Variants in CPNE3 observed in about 807,000 individuals in gnomAD.
CPNE3 encodes copine-3.
CPNE3 carries 68 observed loss-of-function variants against 63.9 expected under a neutral mutation model. The observed-to-expected ratio is 1.06, with a 90% CI of 0.87 to 1.30. CPNE3 has a LOEUF of 1.30. Among genes scored for constraint, CPNE3 ranks in the 50% most tolerant of loss-of-function variants. The pLI, the probability that CPNE3 is intolerant of heterozygous loss-of-function variation, is 0.00. For missense variants in CPNE3, 665 were observed against 578.1 expected, an observed-to-expected ratio of 1.15 and a Z score of -1.54; for synonymous variants, 219 against 197.5, an observed-to-expected ratio of 1.11 and a Z score of -0.91.
At position 86,543,633 on chromosome 8, in the gene CPNE3, G is replaced by A. The variant is rs147686915; in HGVS notation, c.634-1107G>A. Among the ~76,000 whole-genome samples the A allele has an allele frequency of 1.7e-4, 26 of 152,124 alleles. No individual in the cohort carries two copies. The East Asian group carries it at 4.8e-3, about 28-fold the overall frequency. On this transcript the variant is annotated intron_variant, in intron 8 of 16. Transcript: ENST00000517490. ...AGCACAGCGTTACTTTACCTGTGTT[G>A]GTTACCACACAAGGCATACCGTCTT...
At chr8:86,514,657 G>A (rs923671400) in intron 1 of CPNE3, 116 bp downstream of exon 1, 3 of 152,192 alleles carry the variant, frequency 2.0e-5, no homozygotes, top group Non-Finnish European at 4.4e-5. Context: ...GGCTCCGTGC[G>A]GCAGGTCCCG....
rs1333894029 is a variant in CPNE3 at position 86,546,593 on chromosome 8, A to G, written c.733-2A>G. 2 of 1,610,786 alleles carry G rather than the reference A, an allele frequency of 1.2e-6. No individual in the cohort carries two copies. Among genetic ancestry groups the G allele is most frequent in the Non-Finnish European group, 1.7e-6 (2 of 1,179,204 alleles). ...TAACATTTTTGTCTTCTCTTCCTAC[A>G]GGTTGAATTTGAATGCATAAATGAG... On this transcript the variant is annotated splice_acceptor_variant, in intron 9 of 16. Coordinates refer to ENST00000517490, the MANE Select transcript of CPNE3 (RefSeq NM_003909.5). LOFTEE classifies it high-confidence loss of function.
At chr8:86,552,884 G>T (rs1398168066) in intron 14 of CPNE3, among the ~76,000 whole-genome samples, 2 of 120,068 alleles carry the variant, frequency 1.7e-5, no homozygotes, top group African/African-American at 3.0e-5. Context: ...TTTTCCCCCA[G>T]GCTGGAGTGC....
chr8:86,530,617 T>C (rs553453901), intron 4 of CPNE3, among the ~76,000 whole-genome samples: 1 of 152,220 alleles, frequency 6.6e-6, no homozygotes, highest in East Asian at 1.9e-4. Flanking sequence ...GTTAAGAAAC[T>C]AGTGGGTAGG....
chr8:86,556,302 T>A lies in CPNE3; in HGVS notation c.1455T>A (p.Asp485Glu), dbSNP rs780990449. The A allele has an allele frequency of 2.3e-6, 2 of 873,012 alleles. No individual in the cohort carries two copies. Among genetic ancestry groups the A allele is most frequent in the Non-Finnish European group, 4.0e-6 (2 of 501,686 alleles). 54.1% of individuals were successfully genotyped at this position (873,012 alleles called of 1,614,324 possible). ...CATTGGGCGAAGTGGCCATCAGAGA[T>A]ATTGTCCAGTTTGTGCCTTTCAGAC... ...RSPLGEVAIR[D>E]IVQFVPFRQF... The change falls in exon 16 of 17, where the codon GAT (aspartate) becomes GAA (glutamate). Residue 485 changes from aspartate to glutamate, a missense_variant. Transcript: ENST00000517490.
chr8:86,551,796 T>C (rs1821184837), intron 14 of CPNE3, among the ~76,000 whole-genome samples: 1 of 151,992 alleles, frequency 6.6e-6, no homozygotes, highest in Non-Finnish European at 1.5e-5. Flanking sequence ...AGGAGGCAAA[T>C]ATTTGTCTTT....
rs577796225 is a variant in CPNE3, at chr8:86,519,408, T to A, written c.-11+3909T>A. Among the ~76,000 whole-genome samples, 7 of 152,364 alleles carry A rather than the reference T, an allele frequency of 4.6e-5. No individual in the cohort carries two copies. In the South Asian group the frequency reaches 1.2e-3, roughly 27 times the overall value. On this transcript the variant is annotated intron_variant, in intron 2 of 16. Transcript: ENST00000517490. ...AATTCCTGCTTTCCTCCGTTCTGCA[T>A]GTCCAAGCATCAGCAATGGTATCAC...
intron 16 of CPNE3, among the ~76,000 whole-genome samples, chr8:86,557,454 C>A (rs982736310): frequency 6.6e-6 from 1 of 152,150 alleles, no homozygotes; most frequent in African/African-American, 2.4e-5. Context: ...GATTTTTGAG[C>A]AAACATAAGT....
In CPNE3 at chr8:86,560,037, G is replaced by T. The variant is rs903890980; in HGVS notation, c.*1627G>T. 1 of 152,162 alleles carries T rather than the reference G, an allele frequency of 6.6e-6. No homozygotes were observed. Among genetic ancestry groups the T allele is most frequent in the African/African-American group, 2.4e-5 (1 of 41,434 alleles). The allele number at this position is 152,162 out of a possible 1,614,324, so 9.4% of individuals were successfully genotyped here. A position where few individuals can be genotyped will look rare whatever the true frequency, so the allele number is the denominator to read the frequency against. ...TGTGGTGGTTGCCTAGCCCAGATGA[G>T]CATTTACCTACCACCTTCCCACTTG... On this transcript the variant is annotated 3_prime_UTR_variant, in exon 17 of 17. Coordinates refer to ENST00000517490, the MANE Select transcript of CPNE3 (RefSeq NM_003909.5).
chr8:86,543,322 T>TTTGA (rs1223592386), intron 8 of CPNE3, among the ~76,000 whole-genome samples: 1 of 152,102 alleles, frequency 6.6e-6, no homozygotes, highest in Non-Finnish European at 1.5e-5. Flanking sequence ...TCTTGACTGT[T>TTTGA]TTGATTGATT....
chr8:86,531,152 C>T lies in CPNE3; in HGVS notation c.313-3C>T, dbSNP rs374711387. 2.6e-6 allele frequency: 3 copies of T among 1,139,176 alleles called. No homozygotes were observed. The highest frequency in any genetic ancestry group is 3.4e-5 in the Admixed American group (2 of 59,384). 70.6% of individuals were successfully genotyped at this position (1,139,176 alleles called of 1,614,324 possible). On this transcript the variant is annotated splice_region_variant and splice_polypyrimidine_tract_variant and intron_variant, in intron 4 of 16. Transcript: ENST00000517490. ...ACTCTGTATCACTTTCTAATTCTAA[C>T]AGATTGTTTCCAGCAAGAAGCTAAC... is the stretch of plus-strand genomic sequence containing the variant.
rs947903689 is a variant in CPNE3, at chr8:86,557,265, C to T, written c.1491+927C>T. On this transcript the variant is annotated intron_variant, in intron 16 of 16. Coordinates refer to ENST00000517490, the MANE Select transcript of CPNE3 (RefSeq NM_003909.5). The stretch of plus-strand genomic sequence containing the variant: ...TCTCATGCCTCAGCCTCCCGAATAG[C>T]TGGGATTACAGGTGTGCACCACTAT... Among the ~76,000 whole-genome samples the T allele has an allele frequency of 5.3e-5, 8 of 152,238 alleles. No homozygotes were observed. In the South Asian group the frequency reaches 1.7e-3, roughly 32 times the overall value.
chr8:86,520,844 G>C (rs145670986), intron 2 of CPNE3, among the ~76,000 whole-genome samples: 64 of 151,894 alleles, frequency 4.2e-4, no homozygotes, highest in African/African-American at 1.4e-3. Flanking sequence ...GTAGACACAG[G>C]GTTTTGCCAT....
In CPNE3 at chr8:86,555,046, T is replaced by G. The variant is rs560362517; in HGVS notation, c.1254+62T>G. The G allele has an allele frequency of 2.2e-5, 35 of 1,600,980 alleles. No homozygotes were observed. In the African/African-American group the frequency reaches 3.5e-4, roughly 16 times the overall value. ...GATTGGTAGCAGCTCCTGGTGCCAT[T>G]TTTCTATGTTTTTGGTTTGTCATAA... On this transcript the variant is annotated intron_variant, in intron 15 of 16. Transcript: ENST00000517490.
chr8:86,550,294 G>T (rs1210105169), intron 12 of CPNE3, among the ~76,000 whole-genome samples: 2 of 152,074 alleles, frequency 1.3e-5, no homozygotes, highest in African/African-American at 4.8e-5. Flanking sequence ...TGTCACCCAG[G>T]CTGGAGTACA....
At position 86,559,464 on chromosome 8, in the gene CPNE3, C is replaced by T. The variant is rs1821389779; in HGVS notation, c.*1054C>T. ...GAACCATTTTCATCTGATTTTTAAA[C>T]TCACGATACCAGTTATCTGTTAATC... is the stretch of plus-strand genomic sequence containing the variant. On this transcript the variant is annotated 3_prime_UTR_variant, in exon 17 of 17. Coordinates refer to ENST00000517490, the MANE Select transcript of CPNE3 (RefSeq NM_003909.5). 6.6e-6 allele frequency: 1 copy of T among 152,100 alleles called. No homozygotes were observed. Among genetic ancestry groups the T allele is most frequent in the East Asian group, 1.9e-4 (1 of 5,192 alleles). The allele number at this position is 152,100 out of a possible 1,614,324, so 9.4% of individuals were successfully genotyped here. A position where few individuals can be genotyped will look rare whatever the true frequency, so the allele number is the denominator to read the frequency against.
Position 86,558,185 on chromosome 8 carries a change from A to C in CPNE3, c.1492-103A>C, listed in dbSNP as rs1821362791. 7.6e-6 allele frequency: 6 copies of C among 794,136 alleles called. 1 individual carries two copies. In the Admixed American group the frequency reaches 9.3e-5, roughly 12 times the overall value. The allele number at this position is 794,136 out of a possible 1,614,324, so 49.2% of individuals were successfully genotyped here. On this transcript the variant is annotated intron_variant, in intron 16 of 16. Coordinates refer to ENST00000517490, the MANE Select transcript of CPNE3 (RefSeq NM_003909.5). ...GAAAAGGTACAGGCCTATGAATTAG[A>C]ATTGCTTCATTTTAGTGGCTGCTGA...
At chr8:86,520,565 A>G (rs1048642197) in intron 2 of CPNE3, among the ~76,000 whole-genome samples, 1 of 152,042 alleles carries the variant, frequency 6.6e-6, no homozygotes, top group Non-Finnish European at 1.5e-5. Flanking sequence ...AAAAAAAAAA[A>G]AGATTTAACA....
At chr8:86,550,597 T>C (rs1034061736) in intron 12 of CPNE3, among the ~76,000 whole-genome samples, 2 of 152,216 alleles carry the variant, frequency 1.3e-5, no homozygotes, top group Non-Finnish European at 2.9e-5. Flanking sequence ...CTCTCCCTAA[T>C]GTATGAATGT....
Sources: gnomAD v4.1 joint callset for allele counts (sites outside exome capture counted in the v4.1 genomes callset) on GRCh38, gnomAD v4.1.1 for gene constraint, MANE v1.5 for transcripts, NCBI Gene and HGNC (gene_info 2026-07-23, HGNC 2026-07-21) for gene names.